The following PPP2CB variants were observed in gnomAD, a reference collection of about 807,000 sequenced individuals.
The protein encoded by PPP2CB is protein phosphatase 2 catalytic subunit beta.
In PPP2CB, 18 loss-of-function variants were observed where a neutral mutation model predicts 39.1. That is an observed-to-expected ratio of 0.46 (90% confidence interval 0.32 to 0.68). The LOEUF is 0.68. Among genes scored for constraint, PPP2CB ranks in the 30% least tolerant of loss-of-function variants. PPP2CB has a pLI of 0.04. For missense variants in PPP2CB, 226 were observed against 396.9 expected (o/e 0.57, Z 3.66); for synonymous variants, 129 against 133.8 (o/e 0.96, Z 0.25).
chr8:30,800,701 G>C (rs1009797586), intron 1 of PPP2CB, among the ~76,000 whole-genome samples: 5 of 152,116 alleles, frequency 3.3e-5, no homozygotes, highest in Admixed American at 3.3e-4. Context: ...TAACAAAACA[G>C]ACATCATAAA....
chr8:30,792,202 G>A (rs1339403260), intron 5 of PPP2CB, among the ~76,000 whole-genome samples: 4 of 151,486 alleles, frequency 2.6e-5, no homozygotes, highest in Non-Finnish European at 2.9e-5. Flanking sequence ...CTACAGGTGC[G>A]TGCCACCACA....
chr8:30,812,312 G>T lies in PPP2CB; in HGVS notation c.102+8C>A. On this transcript the variant is annotated splice_region_variant and intron_variant, in intron 1 of 6. Coordinates refer to ENST00000221138, the MANE Select transcript of PPP2CB (RefSeq NM_001009552.2). Reference sequence around the variant, plus strand: ...GCGCTCCCGCACTCGCCCCCGCGGCGCCCTCACCTTCTCGCACAGCGTCCG... The same window carrying T: ...GCGCTCCCGCACTCGCCCCCGCGGCTCCCTCACCTTCTCGCACAGCGTCCG... The T allele has an allele frequency of 6.6e-7, 1 of 1,514,266 alleles. No homozygotes were observed. Among genetic ancestry groups the T allele is most frequent in the South Asian group, 1.2e-5 (1 of 82,238 alleles). 93.8% of individuals were successfully genotyped at this position (1,514,266 alleles called of 1,614,324 possible). A position where few individuals can be genotyped will look rare whatever the true frequency, so the allele number is the denominator to read the frequency against.
At chr8:30,796,335 G>C (rs1806525954) in intron 3 of PPP2CB, among the ~76,000 whole-genome samples, 1 of 152,066 alleles carries the variant, frequency 6.6e-6, no homozygotes, top group African/African-American at 2.4e-5. Context: ...ACAACTCTGG[G>C]CTTTCATAAT....
At chr8:30,800,458 T>C (rs2128761765) in intron 1 of PPP2CB, among the ~76,000 whole-genome samples, 1 of 152,344 alleles carries the variant, frequency 6.6e-6, no homozygotes, top group African/African-American at 2.4e-5. Flanking sequence ...ACAAACATTC[T>C]TACACCAATT....
rs1245094079 is a variant in PPP2CB at position 30,812,745 on chromosome 8, G to A, written c.-324C>T. ...GTCCTCGGCCTAGCTCTCGCCGGAC[G>A]AAGGCCGCCCGCTGCCGCTTCAGGC... On this transcript the variant is annotated 5_prime_UTR_variant, in exon 1 of 7. Transcript: ENST00000221138. The A allele has an allele frequency of 1.9e-5, 9 of 474,674 alleles. No individual in the cohort carries two copies. Among genetic ancestry groups the A allele is most frequent in the Non-Finnish European group, 2.5e-5 (6 of 239,648 alleles). The allele number at this position is 474,674 out of a possible 1,614,324, so 29.4% of individuals were successfully genotyped here. A position where few individuals can be genotyped will look rare whatever the true frequency, so the allele number is the denominator to read the frequency against.
intron 1 of PPP2CB, among the ~76,000 whole-genome samples, chr8:30,803,267 G>A (rs1460428059): frequency 6.6e-6 from 1 of 152,002 alleles, no homozygotes; most frequent in Non-Finnish European, 1.5e-5. Flanking sequence ...AGGAGGCCGG[G>A]GGCAGTGGCT....
intron 1 of PPP2CB, among the ~76,000 whole-genome samples, chr8:30,801,014 C>A (rs1806614709): frequency 6.8e-6 from 1 of 147,500 alleles, no homozygotes; most frequent in Non-Finnish European, 1.5e-5. Context: ...TGAGACCAGG[C>A]TGGGCAACAT....
At position 30,801,469 on chromosome 8, in the gene PPP2CB, G is replaced by C. The variant is rs557410679; in HGVS notation, c.103-1714C>G. On this transcript the variant is annotated intron_variant, in intron 1 of 6. Transcript: ENST00000221138. ...ATATGACATGAACCTGGGAGGCGGA[G>C]CTTGCAGTGAGCCAAGATCGTGCCA... 4.6e-5 allele frequency among the ~76,000 whole-genome samples: 7 copies of C among 151,934 alleles called. No individual in the cohort carries two copies. The South Asian group carries it at 1.3e-3, about 27-fold the overall frequency.
chr8:30,789,387 G>A (rs759373050), intron 6 of PPP2CB, among the ~76,000 whole-genome samples: 6 of 152,150 alleles, frequency 3.9e-5, no homozygotes, highest in Non-Finnish European at 5.9e-5. Flanking sequence ...CTCTGGGTAG[G>A]CATAAGCCAC....
At chr8:30,804,486 A>C (rs986136457) in intron 1 of PPP2CB, among the ~76,000 whole-genome samples, 1 of 152,202 alleles carries the variant, frequency 6.6e-6, no homozygotes, top group Non-Finnish European at 1.5e-5. Flanking sequence ...TACAGATGTC[A>C]GCCCCTCTTG....
rs1173215058 is a variant in PPP2CB at position 30,791,253 on chromosome 8, A to G, written c.801T>C (p.Tyr267=). Residue 267 remains tyrosine (Y), a synonymous_variant, in exon 6 of 7, where the codon TAT becomes TAC. Transcript: ENST00000221138. ...TGATAGCAGCCTGGTTCCCACAACG[A>G]TAACAGTAATTGGGTGCACTGAAAA... ...VTIFSAPNYC[Y]RCGNQAAIME... is the part of the protein sequence containing the mutation. 9 of 1,612,826 alleles carry G rather than the reference A, an allele frequency of 5.6e-6. No individual in the cohort carries two copies. The highest frequency in any genetic ancestry group is 3.3e-5 in the South Asian group (3 of 90,678).
chr8:30,804,325 G>C (rs532268733), intron 1 of PPP2CB, among the ~76,000 whole-genome samples: 1 of 152,124 alleles, frequency 6.6e-6, no homozygotes, highest in Non-Finnish European at 1.5e-5. Context: ...AACCTCACCC[G>C]AGGAGAGGTC....
intron 3 of PPP2CB, among the ~76,000 whole-genome samples, chr8:30,796,736 C>T (rs769560480): frequency 1.3e-5 from 2 of 152,160 alleles, no homozygotes; most frequent in Non-Finnish European, 2.9e-5. Context: ...CAGTGATTAT[C>T]TCTAGAAATT....
chr8:30,788,238 T>A (rs1352896878), intron 6 of PPP2CB, among the ~76,000 whole-genome samples: 1 of 152,144 alleles, frequency 6.6e-6, no homozygotes, highest in Non-Finnish European at 1.5e-5. Flanking sequence ...GATAGGTTAC[T>A]GATTTCAAAT....
At position 30,785,876 on chromosome 8, in the gene PPP2CB, A is replaced by T. The variant is rs1806330756; in HGVS notation, c.*359T>A. ...AATTTTTCTTAAAAATAAAACTCCA[A>T]CTCTATTAATCCATGCCAGTTAAAC... On this transcript the variant is annotated 3_prime_UTR_variant, in exon 7 of 7. Coordinates refer to ENST00000221138, the MANE Select transcript of PPP2CB (RefSeq NM_001009552.2). 1 of 368,286 alleles carries T rather than the reference A, an allele frequency of 2.7e-6. No homozygotes were observed. Among genetic ancestry groups the T allele is most frequent in the Non-Finnish European group, 5.3e-6 (1 of 188,088 alleles). 22.8% of individuals were successfully genotyped at this position (368,286 alleles called of 1,614,324 possible).
rs1057371069 is a variant in PPP2CB at position 30,812,586 on chromosome 8, C to T, written c.-165G>A. 5.5e-6 allele frequency: 2 copies of T among 366,642 alleles called. No homozygotes were observed. The highest frequency in any genetic ancestry group is 9.3e-6 in the Non-Finnish European group (2 of 214,746). 22.7% of individuals were successfully genotyped at this position (366,642 alleles called of 1,614,324 possible). A position where few individuals can be genotyped will look rare whatever the true frequency, so the allele number is the denominator to read the frequency against. ...AGCCGGGTAGGGCGGCCGCGGGCCC[C>T]GCGCCCCGCCCAAGCCCAGCAGGCG... On this transcript the variant is annotated 5_prime_UTR_variant, in exon 1 of 7. Coordinates refer to ENST00000221138, the MANE Select transcript of PPP2CB (RefSeq NM_001009552.2).
At chr8:30,794,802 T>C (rs1375971643) in intron 3 of PPP2CB, among the ~76,000 whole-genome samples, 1 of 152,210 alleles carries the variant, frequency 6.6e-6, no homozygotes, top group African/African-American at 2.4e-5. Flanking sequence ...TGCTGATATA[T>C]ACAATTTTTT....
chr8:30,798,272 T>C (rs914654575), intron 2 of PPP2CB, among the ~76,000 whole-genome samples: 14 of 152,232 alleles, frequency 9.2e-5, no homozygotes, highest in Non-Finnish European at 1.8e-4. Context: ...AATGTATTAA[T>C]AGTTTCCTTT....
In PPP2CB at chr8:30,791,199, G is replaced by A. The variant is rs774883716; in HGVS notation, c.855C>T (p.Ser285=). 5.7e-6 allele frequency: 9 copies of A among 1,579,928 alleles called. No individual in the cohort carries two copies. In the South Asian group the frequency reaches 1.0e-4, roughly 18 times the overall value. ...AATTAAAATTTACAGTTACTCACAA[G>A]GAATATTTTAAAGTGTCATCTAATT... ...IMELDDTLKY[S]FLQFDPAPRR... The change falls in exon 6 of 7, where the codon TCC becomes TCT. Residue 285 remains serine, a splice_region_variant and synonymous_variant. Coordinates refer to ENST00000221138, the MANE Select transcript of PPP2CB (RefSeq NM_001009552.2).
Sources: allele counts gnomAD v4.1 joint callset (sites outside exome capture counted in the v4.1 genomes callset), GRCh38; gene constraint gnomAD v4.1.1; transcripts MANE v1.5; gene names NCBI Gene and HGNC (gene_info 2026-07-23, HGNC 2026-07-21).